Variants in GPAT2 observed in about 807,000 individuals in gnomAD.
GPAT2 encodes glycerol-3-phosphate acyltransferase 2, mitochondrial, also known as 1-acylglycerol-3-phosphate O-acyltransferase GPAT2.
A neutral mutation model predicts 71.0 loss-of-function variants in GPAT2; 51 were observed. That is an observed-to-expected ratio of 0.72 (90% confidence interval 0.57 to 0.91). The LOEUF is 0.91. Among genes scored for constraint, GPAT2 ranks in the 40% least tolerant of loss-of-function variants. The pLI is 0.00. For synonymous variants in GPAT2, 222 were observed against 290.3 expected, an observed-to-expected ratio of 0.76 and a Z score of 2.39; for missense variants, 511 against 666.0, an observed-to-expected ratio of 0.77 and a Z score of 2.56.
chr2:96,024,371 C>T (rs759342607), intron 15 of GPAT2, 34 bp from the exon 16 acceptor site: 113 of 1,604,396 alleles, frequency 7.0e-5, no homozygotes, highest in Admixed American at 1.7e-4. Flanking sequence ...AAGAAGGAGC[C>T]GTTCCCTTCA....
chr2:96,022,762 A>T (rs759434202), intron 20 of GPAT2, 39 bp from the exon 21 acceptor site: 1 of 1,613,842 alleles, frequency 6.2e-7, no homozygotes, highest in Non-Finnish European at 8.5e-7. Flanking sequence ...AGGTAGGGAG[A>T]ACAGAGAGCC....
intron 16 of GPAT2, 79 bp downstream of exon 16, chr2:96,024,110 G>A: frequency 3.8e-6 from 6 of 1,568,790 alleles, no homozygotes; most frequent in Non-Finnish European, 4.3e-6. Context: ...TTCAGAGGTA[G>A]AGCATGGGCA....
intron 12 of GPAT2, 93 bp from the exon 13 acceptor site, chr2:96,025,696 C>T (rs1680323648): frequency 7.1e-7 from 1 of 1,403,542 alleles, no homozygotes; most frequent in African/African-American, 1.4e-5. Context: ...AGGGTGTTTC[C>T]CCCTCCCAGC....
At chr2:96,022,468 C>G (rs1384791395) in intron 21 of GPAT2, among the ~76,000 whole-genome samples, 193 bp from the exon 22 acceptor site, 1 of 152,182 alleles carries the variant, frequency 6.6e-6, no homozygotes, top group Admixed American at 6.5e-5. Flanking sequence ...ATTTGGGAGA[C>G]CAAGAGGCAG....
chr2:96,025,318 GCTC>G (rs1172612619), intron 13 of GPAT2, 164 bp downstream of exon 13: 4 of 934,832 alleles, frequency 4.3e-6, no homozygotes, highest in Admixed American at 3.3e-5. Flanking sequence ...CTGGCTGCCT[GCTC>G]CTCCTGTAGG....
Position 96,024,637 on chromosome 2 carries a change from C to T in GPAT2, c.1477G>A (p.Glu493Lys), listed in dbSNP as rs780026839. 2 of 1,613,894 alleles carry T rather than the reference C, an allele frequency of 1.2e-6. No individual in the cohort carries two copies. Among genetic ancestry groups the T allele is most frequent in the Non-Finnish European group, 1.7e-6 (2 of 1,179,916 alleles). ...LLGEFSWLTE[E>K]ILLRGFDVGF... The stretch of plus-strand genomic sequence containing the variant: ...ACATCAAAGCCACGCAACAGTATCT[C>T]CTCCGTCAGCCAGGAGAACTCCCCC... The change falls in exon 15 of 22, where the codon GAG (glutamate) becomes AAG (lysine). Residue 493 changes from glutamate to lysine, a missense_variant. This residue lies in a region of GPAT2 where 295 missense variants were observed against 305.5 expected (regional missense o/e 0.97). Coordinates refer to ENST00000434632, the MANE Select transcript of GPAT2 (RefSeq NM_001321527.2).
rs1679721798 is a variant in GPAT2 at position 96,021,964 on chromosome 2, A to G, written c.*195T>C. On this transcript the variant is annotated 3_prime_UTR_variant, in exon 22 of 22. Transcript: ENST00000434632. ...AAAAAGATGCTGCTGGGCTGGGGAA[A>G]AGACAACTCGTCTCGTCCCCTTGTT... 1.5e-6 allele frequency: 2 copies of G among 1,362,628 alleles called. No homozygotes were observed. The highest frequency in any genetic ancestry group is 2.9e-5 in the African/African-American group (2 of 67,858). The allele number at this position is 1,362,628 out of a possible 1,614,324, so 84.4% of individuals were successfully genotyped here. A position where few individuals can be genotyped will look rare whatever the true frequency, so the allele number is the denominator to read the frequency against.
At chr2:96,026,101 C>T (rs1680375688) in intron 11 of GPAT2, 82 bp downstream of exon 11, 1 of 1,573,898 alleles carries the variant, frequency 6.4e-7, no homozygotes, top group African/African-American at 1.3e-5. Flanking sequence ...GCTATCCCTG[C>T]AGTGGCTTTG....
In GPAT2 at chr2:96,023,957, C is replaced by T. The variant is rs1192027413; in HGVS notation, c.1880G>A (p.Arg627Gln). The T allele has an allele frequency of 2.7e-5, 44 of 1,607,160 alleles. No homozygotes were observed. Among genetic ancestry groups the T allele is most frequent in the Non-Finnish European group, 3.6e-5 (42 of 1,177,234 alleles). The change falls in exon 17 of 22, where the codon CGG becomes CAG. Residue 627 changes from arginine to glutamine, a missense_variant. Arg to Gln is a conservative substitution (Grantham distance 43). Transcript: ENST00000434632. ...AACCAGGAGCCCGCATTGGATGAGC[C>T]GGTCCAGCACCTCCTGACAGTAGCA... ...SYCYCQEVLD[R>Q]LIQCGLLVAE...
intron 16 of GPAT2, 67 bp downstream of exon 16, chr2:96,024,122 G>C: frequency 1.9e-6 from 3 of 1,546,782 alleles, no homozygotes; most frequent in Admixed American, 2.0e-5. Context: ...GCATGGGCAG[G>C]GATGGGCCAT....
intron 11 of GPAT2, 29 bp downstream of exon 11, chr2:96,026,154 C>T: frequency 2.5e-6 from 4 of 1,585,476 alleles, no homozygotes; most frequent in Non-Finnish European, 2.6e-6. Context: ...ACCCCAGGTA[C>T]TCCCAGCCTT....
intron 13 of GPAT2, 28 bp downstream of exon 13, chr2:96,025,457 C>CT (rs1266886229): frequency 1.9e-6 from 3 of 1,572,014 alleles, no homozygotes. Flanking sequence ...GACCCACCCG[C>CT]AAAGGCCCAG....
intron 13 of GPAT2, chr2:96,025,207 C>T (rs1174153569): frequency 3.6e-6 from 2 of 561,542 alleles, no homozygotes; most frequent in African/African-American, 1.9e-5. Flanking sequence ...AGACTCCGCT[C>T]AGAAGGCAGG....
At chr2:96,022,344 G>A in intron 21 of GPAT2, 69 bp from the exon 22 acceptor site, 1 of 1,469,042 alleles carries the variant, frequency 6.8e-7, no homozygotes, top group Non-Finnish European at 9.0e-7. Context: ...CCAGGGGCCA[G>A]GCCTGTCCCC....
chr2:96,026,398 C>T (rs1183696133), intron 10 of GPAT2, 93 bp from the exon 11 acceptor site: 6 of 1,233,530 alleles, frequency 4.9e-6, no homozygotes, highest in Admixed American at 6.5e-5. Flanking sequence ...CCAGAGGTAT[C>T]CTCTGGTCCC....
Position 96,023,101 on chromosome 2 carries a change from C to T in GPAT2, c.2167+5G>A, listed in dbSNP as rs745333231. ...TCGAGGACTGCAAGGGAACAAGGGC[C>T]TCACCAGTATCGGGCAGCTGGCCCT... On this transcript the variant is annotated splice_donor_5th_base_variant and intron_variant, in intron 19 of 21. Coordinates refer to ENST00000434632, the MANE Select transcript of GPAT2 (RefSeq NM_001321527.2). The T allele has an allele frequency of 2.6e-5, 42 of 1,613,120 alleles. No homozygotes were observed. The highest frequency in any genetic ancestry group is 3.2e-5 in the Non-Finnish European group (38 of 1,179,310).
chr2:96,023,483 G>A (rs1336346279), intron 17 of GPAT2, 43 bp from the exon 18 acceptor site: 2 of 1,607,474 alleles, frequency 1.2e-6, no homozygotes, highest in Non-Finnish European at 8.5e-7. Flanking sequence ...GCTGGCCAGG[G>A]ATCAACCCTA....
chr2:96,024,073 C>T, intron 16 of GPAT2, 73 bp from the exon 17 acceptor site: 2 of 1,594,270 alleles, frequency 1.3e-6, no homozygotes, highest in South Asian at 1.1e-5. Flanking sequence ...AAAGACCGGG[C>T]AAGGCCACAC....
intron 21 of GPAT2, among the ~76,000 whole-genome samples, 192 bp downstream of exon 21, chr2:96,022,476 C>T (rs1679786761): frequency 6.6e-6 from 1 of 152,192 alleles, no homozygotes; most frequent in South Asian, 2.1e-4. Context: ...GACCAAGAGG[C>T]AGGAAACCAT....
Sources: gnomAD v4.1 joint callset for allele counts (sites outside exome capture counted in the v4.1 genomes callset) on GRCh38, gnomAD v4.1.1 for gene constraint, gnomAD v4.1.1 regional missense constraint, MANE v1.5 for transcripts, NCBI Gene and HGNC (gene_info 2026-07-23, HGNC 2026-07-21) for gene names.